GLRA2: variants seen among roughly 807,000 people sequenced by gnomAD.
The protein encoded by GLRA2 is glycine receptor subunit alpha-2.
In GLRA2, 11 loss-of-function variants were observed where a neutral mutation model predicts 31.6. The ratio of observed to expected loss-of-function variants is 0.35; its 90% CI spans 0.22 to 0.58. The LOEUF is 0.58. GLRA2 is among the 20% of genes least tolerant of loss of function. The pLI is 0.84. For synonymous variants in GLRA2, 132 were observed against 134.0 expected (o/e 0.99, Z 0.10); for missense variants, 212 against 351.8 (o/e 0.60, Z 3.18).
intron 8 of GLRA2, among the ~76,000 whole-genome samples, chrX:14,705,669 T>C (rs1039441951): frequency 1.8e-5 from 2 of 112,014 alleles, no homozygotes; most frequent in Non-Finnish European, 3.8e-5. Flanking sequence ...GAAAAACCTT[T>C]CATTAAGAAT....
At chrX:14,598,756 T>C (rs1019175108) in intron 4 of GLRA2, among the ~76,000 whole-genome samples, 6 of 112,238 alleles carry the variant, frequency 5.3e-5, no homozygotes, top group African/African-American at 1.9e-4. Context: ...AGGATACTGA[T>C]TCATTAATTT....
At chrX:14,648,088 C>T (rs192810770) in intron 7 of GLRA2, among the ~76,000 whole-genome samples, 1 of 112,066 alleles carries the variant, frequency 8.9e-6, no homozygotes. Flanking sequence ...GAAGTTGATG[C>T]AAAAATGCTT....
chrX:14,563,489 A>G (rs2089760292), intron 2 of GLRA2, among the ~76,000 whole-genome samples: 1 of 112,386 alleles, frequency 8.9e-6, no homozygotes. Flanking sequence ...AGCAAATTCT[A>G]GAGAAGGTAG....
rs147340651 is a variant in GLRA2, at chrX:14,675,912, C to T, written c.931-14798C>T. Among the ~76,000 whole-genome samples, 164 of 112,184 alleles carry T rather than the reference C, an allele frequency of 1.5e-3. 1 individual carries two copies. In the East Asian group the frequency reaches 0.04, roughly 27 times the overall value. ...CATTCCCACCTCTGTTAATTACTAG[C>T]TATATAAAGTTTAGATATGCATTTA... On this transcript the variant is annotated intron_variant, in intron 7 of 8. Coordinates refer to ENST00000218075, the MANE Select transcript of GLRA2 (RefSeq NM_002063.4).
intron 7 of GLRA2, among the ~76,000 whole-genome samples, chrX:14,629,748 T>A (rs1372742964): frequency 9.0e-6 from 1 of 111,703 alleles, no homozygotes; most frequent in Non-Finnish European, 1.9e-5. Context: ...ACTCTTTTTG[T>A]GTTTTTTAAA....
chrX:14,607,917 T>A (rs928317056), intron 6 of GLRA2, among the ~76,000 whole-genome samples: 1 of 110,835 alleles, frequency 9.0e-6, no homozygotes, highest in Non-Finnish European at 1.9e-5. Flanking sequence ...TCTGGAAGAT[T>A]TTACCTGTCC....
chrX:14,544,056 G>T (rs1438967801), intron 2 of GLRA2, among the ~76,000 whole-genome samples: 1 of 111,134 alleles, frequency 9.0e-6, no homozygotes, highest in Non-Finnish European at 1.9e-5. Context: ...GAGTGAGAAG[G>T]GCCCAGCATT....
the GLRA2 span, among the ~76,000 whole-genome samples, chrX:14,468,990 T>C: frequency 9.0e-6 from 1 of 111,073 alleles, no homozygotes; most frequent in Non-Finnish European, 1.9e-5. Flanking sequence ...TTCATGTCCT[T>C]CGCCCACTTT....
the GLRA2 span, among the ~76,000 whole-genome samples, chrX:14,450,509 A>G: frequency 0.21 from 22,999 of 110,773 alleles, 1,843 homozygotes; most frequent in African/African-American, 0.26. Context: ...TCACCATTCT[A>G]TATGCACTGA....
chrX:14,528,549 CT>C (rs1294978396), upstream of GLRA2, among the ~76,000 whole-genome samples: 3 of 111,842 alleles, frequency 2.7e-5, no homozygotes, highest in African/African-American at 9.8e-5. Flanking sequence ...TACCCTTCCT[CT>C]TTTTTATTAA....
chrX:14,504,157 T>A, the GLRA2 span, among the ~76,000 whole-genome samples: 1 of 111,850 alleles, frequency 8.9e-6, no homozygotes, highest in South Asian at 3.7e-4. Context: ...ATTCACAAGT[T>A]TGGAAGAAAA....
At chrX:14,461,444 G>A in the GLRA2 span, among the ~76,000 whole-genome samples, 1 of 111,514 alleles carries the variant, frequency 9.0e-6, no homozygotes, top group South Asian at 3.8e-4. Context: ...TATTGATAGT[G>A]GAGTATTATA....
chrX:14,729,935 T>C (rs1330585728), intron 8 of GLRA2, among the ~76,000 whole-genome samples: 2 of 112,127 alleles, frequency 1.8e-5, no homozygotes, highest in Non-Finnish European at 3.8e-5. Flanking sequence ...GGAAAGTCAG[T>C]ACTGAATATA....
At chrX:14,672,024 G>T (rs1001723814) in intron 7 of GLRA2, among the ~76,000 whole-genome samples, 1 of 111,852 alleles carries the variant, frequency 8.9e-6, no homozygotes, top group African/African-American at 3.3e-5. Context: ...TATTTCCCTT[G>T]AGTCACAGAA....
At chrX:14,461,419 C>T in the GLRA2 span, among the ~76,000 whole-genome samples, 429 of 111,497 alleles carry the variant, frequency 3.8e-3, 2 homozygotes, top group Non-Finnish European at 5.5e-3. Flanking sequence ...TTTTCTGTCT[C>T]GTTGATCTGT....
chrX:14,601,785 G>A (rs911624519), intron 4 of GLRA2, among the ~76,000 whole-genome samples: 34 of 111,127 alleles, frequency 3.1e-4, no homozygotes, highest in Non-Finnish European at 7.6e-5. Context: ...TGAATAGATT[G>A]TAAAAATGAA....
chrX:14,459,577 G>A, the GLRA2 span, among the ~76,000 whole-genome samples: 3 of 111,112 alleles, frequency 2.7e-5, no homozygotes, highest in Non-Finnish European at 5.7e-5. Context: ...TCTCCTTGAA[G>A]AGGTCCTTCA....
At chrX:14,533,575 T>C (rs986509679) in intron 2 of GLRA2, among the ~76,000 whole-genome samples, 2 of 110,262 alleles carry the variant, frequency 1.8e-5, no homozygotes, top group Admixed American at 1.9e-4. Context: ...TTTGTGGTCA[T>C]TGCTTTGGAA....
chrX:14,715,404 T>C (rs2091771395), intron 8 of GLRA2, among the ~76,000 whole-genome samples: 1 of 112,467 alleles, frequency 8.9e-6, no homozygotes, highest in Non-Finnish European at 1.9e-5. Flanking sequence ...CTTTACTTTA[T>C]ACATATATGC....
Sources: gnomAD v4.1 joint callset for allele counts (sites outside exome capture counted in the v4.1 genomes callset) on GRCh38, gnomAD v4.1.1 for gene constraint, MANE v1.5 for transcripts, NCBI Gene and HGNC (gene_info 2026-07-23, HGNC 2026-07-21) for gene names.